Variants in SIRPA observed in about 807,000 individuals in gnomAD.
SIRPA encodes the protein signal regulatory protein alpha, also known as tyrosine-protein phosphatase non-receptor type substrate 1.
In SIRPA, 9 loss-of-function variants were observed where a neutral mutation model predicts 50.3. The ratio of observed to expected loss-of-function variants is 0.18; its 90% CI spans 0.11 to 0.31. The LOEUF is 0.31. Among genes scored for constraint, SIRPA ranks in the 10% least tolerant of loss-of-function variants. The pLI is 1.00. For synonymous variants in SIRPA, 265 were observed against 284.1 expected (o/e 0.93, Z 0.68); for missense variants, 474 against 661.6 (o/e 0.72, Z 3.11).
At chr20:1,909,404 A>G (rs1348623823) in intron 1 of SIRPA, among the ~76,000 whole-genome samples, 1 of 152,190 alleles carries the variant, frequency 6.6e-6, no homozygotes, top group Non-Finnish European at 1.5e-5. Context: ...GGCTTCTGGA[A>G]GACTCACACC....
chr20:1,903,011 C>CAAAAAAAAAAAAAAAAAA (rs58735842), intron 1 of SIRPA, among the ~76,000 whole-genome samples: 5 of 90,890 alleles, frequency 5.5e-5, no homozygotes, highest in East Asian at 3.6e-4. Context: ...GACTCTGTCT[C>CAAAAAAAAAAAAAAAAAA]AAAAAAAAAA....
In SIRPA at chr20:1,940,455, T is replaced by G. The variant is rs995547134; in HGVS notation, c.*2887T>G. 6.6e-6 allele frequency: 1 copy of G among 152,224 alleles called. No homozygotes were observed. Among genetic ancestry groups the G allele is most frequent in the African/African-American group, 2.4e-5 (1 of 41,440 alleles). 9.4% of individuals were successfully genotyped at this position (152,224 alleles called of 1,614,324 possible). A position where few individuals can be genotyped will look rare whatever the true frequency, so the allele number is the denominator to read the frequency against. On this transcript the variant is annotated 3_prime_UTR_variant, in exon 8 of 8. Transcript: ENST00000358771. ...GACATCTAATGCTTGTCCTGTAATA[T>G]CCTTGCCAGATGACTGATGTCAAGT...
Position 1,907,020 on chromosome 20 carries a change from C to T in SIRPA, c.80-8079C>T, listed in dbSNP as rs182056442. 2.0e-5 allele frequency among the ~76,000 whole-genome samples: 3 copies of T among 152,318 alleles called. No individual in the cohort carries two copies. The East Asian group carries it at 5.8e-4, about 29-fold the overall frequency. ...TAGAGAAAAGCAACTTTGCCAAGCA[C>T]CGTGCTACAGACAAGACATAAAGGT... On this transcript the variant is annotated intron_variant, in intron 1 of 7. Coordinates refer to ENST00000358771, the MANE Select transcript of SIRPA (RefSeq NM_001040023.2).
chr20:1,934,557 G>A lies in SIRPA; in HGVS notation c.1227-158G>A, dbSNP rs1216414027. ...CCTTTTTAGTGAGATTGACCCCTTT[G>A]TCCAAACATTTGATATGCAGTTGTA... On this transcript the variant is annotated intron_variant, in intron 6 of 7. Coordinates refer to ENST00000358771, the MANE Select transcript of SIRPA (RefSeq NM_001040023.2). The surrounding 1 kb of genome is among the most constrained non-coding windows in gnomAD (Gnocchi z 4.6). Among the ~76,000 whole-genome samples, 1 of 152,138 alleles carries A rather than the reference G, an allele frequency of 6.6e-6. No homozygotes were observed. Among genetic ancestry groups the A allele is most frequent in the Non-Finnish European group, 1.5e-5 (1 of 68,032 alleles).
intron 2 of SIRPA, among the ~76,000 whole-genome samples, chr20:1,915,748 CAGAT>C (rs1985243945): frequency 6.6e-6 from 1 of 152,226 alleles, no homozygotes; most frequent in Non-Finnish European, 1.5e-5. Context: ...AGGAAACTGA[CAGAT>C]AGTGTGACTT....
rs1458812035 is a variant in SIRPA at position 1,895,481 on chromosome 20, G to C, written c.34G>C (p.Gly12Arg). The C allele has an allele frequency of 9.7e-6, 14 of 1,440,514 alleles. No individual in the cohort carries two copies. The highest frequency in any genetic ancestry group is 1.1e-5 in the Non-Finnish European group (12 of 1,102,004). The allele number at this position is 1,440,514 out of a possible 1,614,324, so 89.2% of individuals were successfully genotyped here. The change falls in exon 1 of 8, where the codon GGG (glycine) becomes CGG (arginine). Residue 12 changes from glycine (G) to arginine (R), a missense_variant. Physicochemically the swap from Gly to Arg is moderately radical, Grantham distance 125. This residue lies in a region of SIRPA where 72 missense variants were observed against 76.2 expected (regional missense o/e 0.94). Transcript: ENST00000358771. ...CGCCGGCCCGGCCCCCGGCCGCCTC[G>C]GGCCGCTGCTCTGCCTGCTGCTCGC... Reference protein sequence around the residue: ...EPAGPAPGRLGPLLCLLLAAS... With the variant: ...EPAGPAPGRLRPLLCLLLAAS...
intron 5 of SIRPA, among the ~76,000 whole-genome samples, chr20:1,926,246 A>G (rs944693564): frequency 6.6e-6 from 1 of 152,150 alleles, no homozygotes; most frequent in African/African-American, 2.4e-5. Context: ...CGTCTACCCA[A>G]TGGGTTCCCT....
intron 1 of SIRPA, among the ~76,000 whole-genome samples, chr20:1,899,261 C>G (rs1343866295): frequency 3.3e-5 from 5 of 151,948 alleles, no homozygotes; most frequent in Admixed American, 2.6e-4. Context: ...TTCCTCCCTG[C>G]CAGGCCTGAT....
chr20:1,926,583 C>T (rs1198949622), intron 5 of SIRPA, among the ~76,000 whole-genome samples: 3 of 152,222 alleles, frequency 2.0e-5, no homozygotes, highest in African/African-American at 4.8e-5. Flanking sequence ...CGGCTAGTAT[C>T]CCCCAGCAGT....
At position 1,924,682 on chromosome 20, in the gene SIRPA, C is replaced by T. The variant is rs1425171286; in HGVS notation, c.1088-82C>T. The T allele has an allele frequency of 1.8e-6, 2 of 1,120,378 alleles. No individual in the cohort carries two copies. The highest frequency in any genetic ancestry group is 2.7e-6 in the Non-Finnish European group (2 of 740,414). 69.4% of individuals were successfully genotyped at this position (1,120,378 alleles called of 1,614,324 possible). A position where few individuals can be genotyped will look rare whatever the true frequency, so the allele number is the denominator to read the frequency against. ...AGATGTTCTCAGTTAATGATGCCTGCTTAGTGGTGAAAAGCAGTGGTGGGT... is the reference window on the plus strand; with the variant it reads ...AGATGTTCTCAGTTAATGATGCCTGTTTAGTGGTGAAAAGCAGTGGTGGGT... On this transcript the variant is annotated intron_variant, in intron 4 of 7. Transcript: ENST00000358771. This position sits in a 1 kb window ranked among gnomAD's most constrained non-coding sequence, Gnocchi z 4.5.
chr20:1,903,469 A>G (rs6081094), intron 1 of SIRPA, among the ~76,000 whole-genome samples: 104,175 of 151,428 alleles, frequency 0.69, 36,889 homozygotes, highest in African/African-American at 0.87. Flanking sequence ...TGCTTTCCGC[A>G]GCCGTCCTTG....
intron 1 of SIRPA, among the ~76,000 whole-genome samples, chr20:1,907,082 G>A (rs1228625137): frequency 6.6e-6 from 1 of 152,160 alleles, no homozygotes; most frequent in Non-Finnish European, 1.5e-5. Flanking sequence ...GACAGTCTTA[G>A]CACCTTAGAA....
intron 6 of SIRPA, among the ~76,000 whole-genome samples, chr20:1,929,006 A>G (rs1021750864): frequency 6.6e-6 from 1 of 152,178 alleles, no homozygotes; most frequent in Admixed American, 6.5e-5. Context: ...AAATAAAACT[A>G]TAAATAGCTT....
chr20:1,915,598 A>G (rs6136376), intron 2 of SIRPA, 143 bp downstream of exon 2: 376,165 of 1,039,350 alleles, frequency 0.36, 71,796 homozygotes, highest in East Asian at 0.65. Flanking sequence ...CAAATAAGGG[A>G]AGTTGAGGCC....
rs555638361 is a variant in SIRPA at position 1,937,507 on chromosome 20, C to T, written c.1454C>T (p.Pro485Leu). ...MVHLNRTPKQPAPKPEPSFSE... is the reference protein window; with the variant it reads ...MVHLNRTPKQLAPKPEPSFSE... ...CACCTCAACCGGACCCCCAAGCAGC[C>T]GGCCCCCAAGCCTGAGCCGTCCTTC... Residue 485 changes from proline (P) to leucine (L), a missense_variant, in exon 8 of 8, where the codon CCG becomes CTG. By Grantham distance (98) the Pro-to-Leu change is moderately conservative (BLOSUM62 -3). Around this residue, in one of 4 missense-constraint regions of SIRPA, gnomAD observed 180 missense variants for 206.7 expected, o/e 0.87. Transcript: ENST00000358771. This position sits in a 1 kb window ranked among gnomAD's most constrained non-coding sequence, Gnocchi z 8.3. The T allele has an allele frequency of 5.0e-6, 8 of 1,614,090 alleles. No homozygotes were observed. The highest frequency in any genetic ancestry group is 2.7e-5 in the African/African-American group (2 of 75,010).
intron 6 of SIRPA, among the ~76,000 whole-genome samples, chr20:1,930,580 T>G (rs1986246889): frequency 6.6e-6 from 1 of 152,128 alleles, no homozygotes; most frequent in East Asian, 1.9e-4. Flanking sequence ...TTGTTTTTTT[T>G]GTTGTTATTT....
chr20:1,908,355 A>C (rs563064116), intron 1 of SIRPA, among the ~76,000 whole-genome samples: 10 of 151,886 alleles, frequency 6.6e-5, no homozygotes, highest in Admixed American at 2.6e-4. Flanking sequence ...GCCACCCCCC[A>C]CACACACCCT....
chr20:1,915,608 C>T (rs1985231890), intron 2 of SIRPA, among the ~76,000 whole-genome samples, 153 bp downstream of exon 2: 1 of 152,208 alleles, frequency 6.6e-6, no homozygotes. Flanking sequence ...AAGTTGAGGC[C>T]TGAAGACGTC....
rs1418913868 is a variant in SIRPA, at chr20:1,932,027, C to T, written c.1227-2688C>T. 6.6e-6 allele frequency among the ~76,000 whole-genome samples: 1 copy of T among 152,112 alleles called. No homozygotes were observed. Among genetic ancestry groups the T allele is most frequent in the Non-Finnish European group, 1.5e-5 (1 of 68,034 alleles). On this transcript the variant is annotated intron_variant, in intron 6 of 7. Transcript: ENST00000358771. The surrounding 1 kb of genome is among the most constrained non-coding windows in gnomAD (Gnocchi z 6.0). Reference sequence around the variant, plus strand: ...AGCAGAAAAGGCCCACCCCTGGTCTCATGGCACTTAAGAGCCAGTGAGAAA... The same window carrying T: ...AGCAGAAAAGGCCCACCCCTGGTCTTATGGCACTTAAGAGCCAGTGAGAAA...
Sources: allele counts gnomAD v4.1 joint callset (sites outside exome capture counted in the v4.1 genomes callset), GRCh38; gene constraint gnomAD v4.1.1; regional missense constraint gnomAD v4.1.1; non-coding constraint Gnocchi (gnomAD v3.1); transcripts MANE v1.5; gene names NCBI Gene and HGNC (gene_info 2026-07-23, HGNC 2026-07-21).